Variants in EMC1 observed in about 807,000 individuals in gnomAD.
EMC1 encodes ER membrane protein complex subunit 1.
EMC1 carries 103 observed loss-of-function variants against 128.8 expected under a neutral mutation model. The ratio of observed to expected loss-of-function variants is 0.80; its 90% CI spans 0.68 to 0.94. The LOEUF (loss-of-function observed/expected upper bound fraction) is 0.94, where lower values mean the gene tolerates loss of function less well. Among genes scored for constraint, EMC1 ranks in the 40% least tolerant of loss-of-function variants. The pLI, the probability that EMC1 is intolerant of heterozygous loss-of-function variation, is 0.00. For synonymous variants in EMC1, 442 were observed against 490.4 expected (o/e 0.90, Z 1.30); for missense variants, 1,083 against 1,250.6 (o/e 0.87, Z 2.02).
At chr1:19,243,821 C>A in intron 3 of EMC1, 114 bp from the exon 4 acceptor site, 1 of 1,418,284 alleles carries the variant, frequency 7.1e-7, no homozygotes, top group Admixed American at 1.7e-5. Flanking sequence ...ACATGTTAAA[C>A]AGGTACCTGT....
intron 12 of EMC1, among the ~76,000 whole-genome samples, chr1:19,235,946 G>A (rs1055179297): frequency 2.6e-5 from 4 of 152,168 alleles, no homozygotes; most frequent in Admixed American, 2.0e-4. Flanking sequence ...ATTTTCTAGA[G>A]AGACTCTTCT....
rs966192453 is a variant in EMC1 at position 19,237,590 on chromosome 1, C to A, written c.1213-352G>T. ...CAGCCCAAGCAGCTGAGGAACACAA[C>A]CAGATGCACACAGAGGCAATACTGG... On this transcript the variant is annotated intron_variant, in intron 11 of 22. Coordinates refer to ENST00000477853, the MANE Select transcript of EMC1 (RefSeq NM_015047.3). 2.6e-5 allele frequency among the ~76,000 whole-genome samples: 4 copies of A among 152,232 alleles called. No homozygotes were observed. In the South Asian group the frequency reaches 8.3e-4, roughly 32 times the overall value.
At position 19,232,680 on chromosome 1, in the gene EMC1, T is replaced by C. The variant is rs745594225; in HGVS notation, c.1726A>G (p.Arg576Gly). The C allele has an allele frequency of 6.2e-7, 1 of 1,614,190 alleles. No individual in the cohort carries two copies. The highest frequency in any genetic ancestry group is 1.1e-5 in the South Asian group (1 of 91,086). The change falls in exon 15 of 23, where the codon AGA becomes GGA. Residue 576 changes from arginine to glycine, a missense_variant. This residue lies in a region of EMC1 where 527 missense variants were observed against 644.1 expected (regional missense o/e 0.82). Transcript: ENST00000477853. ...PDSSFKLMVQRTTAHFPHPPQ... is the reference protein window; with the variant it reads ...PDSSFKLMVQGTTAHFPHPPQ... The stretch of plus-strand genomic sequence containing the variant: ...GGATGGGGGAAATGAGCAGTAGTTC[T>C]CTGGACCATCAGTTTAAAGGAGGAG...
chr1:19,243,851 C>G, intron 3 of EMC1, 99 bp downstream of exon 3: 1 of 1,448,220 alleles, frequency 6.9e-7, no homozygotes, highest in South Asian at 1.1e-5. Context: ...TCAGGAGTCC[C>G]CAGTCTCCTT....
Position 19,232,919 on chromosome 1 carries a change from G to A in EMC1, c.1632+17C>T. 1 of 1,613,256 alleles carries A rather than the reference G, an allele frequency of 6.2e-7. No homozygotes were observed. The highest frequency in any genetic ancestry group is 8.5e-7 in the Non-Finnish European group (1 of 1,179,378). On this transcript the variant is annotated intron_variant, in intron 14 of 22. Coordinates refer to ENST00000477853, the MANE Select transcript of EMC1 (RefSeq NM_015047.3). The stretch of plus-strand genomic sequence containing the variant: ...AATTTGAAAAGGTTCAGTAACTGGA[G>A]CTTAAACCCCACTCACCTTGCCTGA...
Position 19,219,710 on chromosome 1 carries a change from C to G in EMC1, c.2673-12G>C, listed in dbSNP as rs1174457823. The G allele has an allele frequency of 6.2e-7, 1 of 1,613,964 alleles. No individual in the cohort carries two copies. Among genetic ancestry groups the G allele is most frequent in the African/African-American group, 1.3e-5 (1 of 75,030 alleles). Reference sequence around the variant, plus strand: ...TTAAGTTCTCCTCTCTGCAAAACACCAGCCGGGACAGGCAGTCTGAGCACT... The same window carrying G: ...TTAAGTTCTCCTCTCTGCAAAACACGAGCCGGGACAGGCAGTCTGAGCACT... On this transcript the variant is annotated splice_polypyrimidine_tract_variant and intron_variant, in intron 21 of 22. Coordinates refer to ENST00000477853, the MANE Select transcript of EMC1 (RefSeq NM_015047.3).
In EMC1 at chr1:19,233,151, A is replaced by T. The variant is rs1438146536; in HGVS notation, c.1433-16T>A. The T allele has an allele frequency of 6.2e-7, 1 of 1,608,360 alleles. No individual in the cohort carries two copies. The highest frequency in any genetic ancestry group is 8.5e-7 in the Non-Finnish European group (1 of 1,175,834). ...AGCAAGCCATCTGGTGTAAAGGAAA[A>T]GTAACATACTCTACATCAGACTAGG... On this transcript the variant is annotated splice_polypyrimidine_tract_variant and intron_variant, in intron 13 of 22. Transcript: ENST00000477853.
In EMC1 at chr1:19,238,054, G is replaced by A; in HGVS notation, c.1175C>T (p.Thr392Ile). The change falls in exon 11 of 23, where the codon ACA becomes ATA. Residue 392 changes from threonine (T) to isoleucine (I), a missense_variant. By Grantham distance (89) the Thr-to-Ile change is moderately conservative. This residue lies in a region of EMC1 where 544 missense variants were observed against 572.4 expected (regional missense o/e 0.95). Coordinates refer to ENST00000477853, the MANE Select transcript of EMC1 (RefSeq NM_015047.3). ...TGRRLLDTTITFSLEQSGTRP... is the reference protein window; with the variant it reads ...TGRRLLDTTIIFSLEQSGTRP... The stretch of plus-strand genomic sequence containing the variant: ...AGTGCCGCTCTGTTCCAGGCTAAAT[G>A]TTATCGTGGTGTCCAGCAGCCGCCG... 2 of 1,614,072 alleles carry A rather than the reference G, an allele frequency of 1.2e-6. No individual in the cohort carries two copies. Among genetic ancestry groups the A allele is most frequent in the Non-Finnish European group, 1.7e-6 (2 of 1,179,980 alleles).
At chr1:19,241,776 G>A (rs2093607330) in intron 5 of EMC1, among the ~76,000 whole-genome samples, 1 of 152,112 alleles carries the variant, frequency 6.6e-6, no homozygotes, top group South Asian at 2.1e-4. Context: ...CAAAGTGCAG[G>A]GATTACAGGC....
chr1:19,222,621 C>T lies in EMC1; in HGVS notation c.2587+3G>A. 6.2e-7 allele frequency: 1 copy of T among 1,613,254 alleles called. No homozygotes were observed. The highest frequency in any genetic ancestry group is 8.5e-7 in the Non-Finnish European group (1 of 1,179,800). On this transcript the variant is annotated splice_donor_region_variant and intron_variant, in intron 20 of 22. Coordinates refer to ENST00000477853, the MANE Select transcript of EMC1 (RefSeq NM_015047.3). The stretch of plus-strand genomic sequence containing the variant: ...CCATCCCAGAGGCTCCCCAGTCACT[C>T]ACTCAGCAGGTGTCGGCTGGTGATG...
At chr1:19,237,699 A>G (rs914458740) in intron 11 of EMC1, among the ~76,000 whole-genome samples, 1 of 152,184 alleles carries the variant, frequency 6.6e-6, no homozygotes, top group African/African-American at 2.4e-5. Context: ...GACTCTGGCT[A>G]TGGTACTCGA....
At chr1:19,225,674 T>G (rs12081860) in intron 18 of EMC1, among the ~76,000 whole-genome samples, 1,719 of 150,598 alleles carry the variant, frequency 0.011, 29 homozygotes, top group African/African-American at 0.039. Context: ...GAAAAGAAAA[T>G]AAGCCATGGT....
At position 19,232,766 on chromosome 1, in the gene EMC1, C is replaced by T. The variant is rs2093533484; in HGVS notation, c.1640G>A (p.Gly547Asp). The part of the protein sequence containing the change: ...VMVTASGKLF[G>D]IESSSGTILW... ...GATGGTGCCAGAGCTGCTCTCAATG[C>T]CAAAAAGCTGCAAGATAAACAAATA... is the stretch of plus-strand genomic sequence containing the variant. Residue 547 changes from glycine to aspartate, a missense_variant, in exon 15 of 23, where the codon GGC becomes GAC. Gly to Asp is a moderately conservative substitution (Grantham distance 94). Transcript: ENST00000477853. 1.9e-6 allele frequency: 3 copies of T among 1,614,024 alleles called. No individual in the cohort carries two copies. The highest frequency in any genetic ancestry group is 1.7e-5 in the Admixed American group (1 of 60,002).
At chr1:19,228,154 G>A (rs564043556) in intron 17 of EMC1, among the ~76,000 whole-genome samples, 242 of 146,592 alleles carry the variant, frequency 1.7e-3, no homozygotes, top group African/African-American at 5.9e-3. Flanking sequence ...GCAGTGAGCC[G>A]AGACTGCACC....
chr1:19,227,963 C>T (rs557696162), intron 17 of EMC1, among the ~76,000 whole-genome samples: 17 of 151,920 alleles, frequency 1.1e-4, no homozygotes, highest in South Asian at 2.1e-4. Context: ...CCCAGCACTT[C>T]GGGAGGCCGA....
At chr1:19,237,471 C>T (rs556912878) in intron 11 of EMC1, among the ~76,000 whole-genome samples, 2 of 152,282 alleles carry the variant, frequency 1.3e-5, no homozygotes, top group Admixed American at 6.5e-5. Context: ...GAGTACTCCA[C>T]GGGTACCACG....
At chr1:19,237,357 G>T in intron 11 of EMC1, 119 bp from the exon 12 acceptor site, 1 of 752,620 alleles carries the variant, frequency 1.3e-6, no homozygotes, top group South Asian at 1.4e-5. Context: ...ATTATTTGAT[G>T]TCTAAACAAT....
In EMC1 at chr1:19,219,475, G is replaced by A; in HGVS notation, c.2810C>T (p.Ala937Val). ...SGLESTCLVVAYGLDIYQTRV... is the reference protein window; with the variant it reads ...SGLESTCLVVVYGLDIYQTRV... ...AGTTTGGTAAATGTCCAAACCATAG[G>A]CCACAACCTGGAAGGCAGATGGAAT... is the stretch of plus-strand genomic sequence containing the variant. Residue 937 changes from alanine to valine, a missense_variant, in exon 23 of 23, where the codon GCC (alanine) becomes GTC (valine). Ala to Val is a moderately conservative substitution (Grantham distance 64, BLOSUM62 0). This residue lies in a region of EMC1 where 527 missense variants were observed against 644.1 expected (regional missense o/e 0.82). Coordinates refer to ENST00000477853, the MANE Select transcript of EMC1 (RefSeq NM_015047.3). The A allele has an allele frequency of 6.2e-7, 1 of 1,613,908 alleles. No individual in the cohort carries two copies.
Position 19,218,366 on chromosome 1 carries a change from T to G in EMC1, c.*937A>C, listed in dbSNP as rs1325032492. ...AGGTTAGATCAATAAAATTTAAAAT[T>G]TCCTCATTTAAGGAGAAATATAATG... On this transcript the variant is annotated 3_prime_UTR_variant, in exon 23 of 23. Coordinates refer to ENST00000477853, the MANE Select transcript of EMC1 (RefSeq NM_015047.3). The G allele has an allele frequency of 6.6e-6, 1 of 152,230 alleles. No homozygotes were observed. Among genetic ancestry groups the G allele is most frequent in the Non-Finnish European group, 1.5e-5 (1 of 68,038 alleles). 9.4% of individuals were successfully genotyped at this position (152,230 alleles called of 1,614,324 possible).
Sources: allele counts gnomAD v4.1 joint callset (sites outside exome capture counted in the v4.1 genomes callset), GRCh38; gene constraint gnomAD v4.1.1; regional missense constraint gnomAD v4.1.1; transcripts MANE v1.5; gene names NCBI Gene and HGNC (gene_info 2026-07-23, HGNC 2026-07-21).